CARD16: variants seen among roughly 807,000 people sequenced by gnomAD.
CARD16 encodes the protein caspase recruitment domain-containing protein 16.
In CARD16, 8 loss-of-function variants were observed where a neutral mutation model predicts 11.9. The ratio of observed to expected loss-of-function variants is 0.67; its 90% CI spans 0.39 to 1.21. CARD16 has a LOEUF of 1.21. Among genes scored for constraint, CARD16 ranks in the 50% most tolerant of loss-of-function variants. CARD16 has a pLI of 0.01. For missense variants in CARD16, 131 were observed against 118.1 expected (o/e 1.11, Z -0.51); for synonymous variants, 44 against 43.8 (o/e 1.00, Z -0.02).
chr11:105,045,281 A>C lies in CARD16; in HGVS notation c.7+10T>G. On this transcript the variant is annotated intron_variant, in intron 1 of 3. Coordinates refer to ENST00000673097, the MANE Select transcript of CARD16 (RefSeq NM_052889.4). The stretch of plus-strand genomic sequence containing the variant: ...CCAGGGACCTGTTCTTGGAACAGTA[A>C]AAGACTCACCGGCCATGGCTTTTCT... 1 of 1,614,010 alleles carries C rather than the reference A, an allele frequency of 6.2e-7. No homozygotes were observed. The highest frequency in any genetic ancestry group is 8.5e-7 in the Non-Finnish European group (1 of 1,179,894).
In CARD16 at chr11:105,045,300, C is replaced by A. The variant is rs1220636194; in HGVS notation, c.-3G>T. ...ACAGTAAAAGACTCACCGGCCATGG[C>A]TTTTCTCTCCTACCCTTCTTGTGTG... On this transcript the variant is annotated 5_prime_UTR_variant, in exon 1 of 4. Coordinates refer to ENST00000673097, the MANE Select transcript of CARD16 (RefSeq NM_052889.4). 1.2e-6 allele frequency: 2 copies of A among 1,613,908 alleles called. No homozygotes were observed. Among genetic ancestry groups the A allele is most frequent in the Non-Finnish European group, 1.7e-6 (2 of 1,179,900 alleles).
In CARD16 at chr11:105,044,567, C is replaced by A. The variant is rs35966314; in HGVS notation, c.99G>T (p.Arg33Ser). The A allele has an allele frequency of 3.7e-6, 6 of 1,614,132 alleles. No homozygotes were observed. The highest frequency in any genetic ancestry group is 1.3e-5 in the African/African-American group (1 of 75,052). Residue 33 changes from arginine to serine, a missense_variant, in exon 2 of 4, where the codon AGG becomes AGT. Physicochemically the swap from Arg to Ser is moderately radical, Grantham distance 110. Coordinates refer to ENST00000673097, the MANE Select transcript of CARD16 (RefSeq NM_052889.4). ...TCTCCATCTCTTCCTGGTTCAGCAC[C>A]CTTGTCTGTAATAATTCATCCAGTA... is the stretch of plus-strand genomic sequence containing the variant. ...NGLLDELLQT[R>S]VLNQEEMEKV...
chr11:105,045,164 T>G (rs1864177546), intron 1 of CARD16, 127 bp downstream of exon 1: 1 of 1,350,376 alleles, frequency 7.4e-7, no homozygotes, highest in Non-Finnish European at 1.1e-6. Context: ...CTCCTCCCAC[T>G]CCTCCCTCTC....
rs1864116602 is a variant in CARD16 at position 105,041,734 on chromosome 11, G to A, written c.*44-15C>T. 1.2e-6 allele frequency: 2 copies of A among 1,612,220 alleles called. No individual in the cohort carries two copies. The highest frequency in any genetic ancestry group is 1.1e-5 in the South Asian group (1 of 91,016). ...TGCCTGAAGAGCTGCAAGAGACAAG[G>A]AATATCATGAACAGTGGTATCCCTC... On this transcript the variant is annotated splice_polypyrimidine_tract_variant and intron_variant, in intron 3 of 3. Transcript: ENST00000673097.
Position 105,041,665 on chromosome 11 carries a change from C to T in CARD16, c.*98G>A, listed in dbSNP as rs1344477573. On this transcript the variant is annotated 3_prime_UTR_variant, in exon 4 of 4. Coordinates refer to ENST00000673097, the MANE Select transcript of CARD16 (RefSeq NM_052889.4). ...TTCTAGAAAGCAAAGCTTGATTCTGCCTTCTGGGCTTGAGCATGTGGGCAT... is the reference window on the plus strand; with the variant it reads ...TTCTAGAAAGCAAAGCTTGATTCTGTCTTCTGGGCTTGAGCATGTGGGCAT... 1.2e-6 allele frequency: 2 copies of T among 1,613,998 alleles called. No homozygotes were observed. Among genetic ancestry groups the T allele is most frequent in the Admixed American group, 1.7e-5 (1 of 59,990 alleles).
intron 3 of CARD16, among the ~76,000 whole-genome samples, chr11:105,042,216 G>C (rs575066195): frequency 3.7e-4 from 57 of 152,024 alleles, no homozygotes; most frequent in African/African-American, 1.4e-3. Context: ...CTGTCCTTCA[G>C]CATCTCCTCC....
At chr11:105,043,032 C>T (rs1864137541) in intron 3 of CARD16, among the ~76,000 whole-genome samples, 1 of 152,048 alleles carries the variant, frequency 6.6e-6, no homozygotes, top group African/African-American at 2.4e-5. Context: ...TTGGCCATGG[C>T]TTGAATATTG....
chr11:105,044,670 A>C lies in CARD16; in HGVS notation c.8-12T>G. The C allele has an allele frequency of 1.2e-6, 2 of 1,613,216 alleles. No individual in the cohort carries two copies. The highest frequency in any genetic ancestry group is 1.7e-6 in the Non-Finnish European group (2 of 1,179,302). On this transcript the variant is annotated splice_polypyrimidine_tract_variant and intron_variant, in intron 1 of 3. Transcript: ENST00000673097. ...CTTCAGGACCTTGTCTGTTTGGAGC[A>C]CAAGGATTTCTCACATCATGAAAAC...
chr11:105,042,033 A>G (rs953332561), intron 3 of CARD16, among the ~76,000 whole-genome samples: 1 of 152,234 alleles, frequency 6.6e-6, no homozygotes, highest in Non-Finnish European at 1.5e-5. Flanking sequence ...AGTGATATAA[A>G]ATAGTTAAAA....
intron 1 of CARD16, chr11:105,044,959 T>C (rs1188872509): frequency 3.3e-6 from 2 of 606,068 alleles, no homozygotes; most frequent in Non-Finnish European, 5.8e-6. Context: ...GAAGCAGAAA[T>C]AGCCCATTTC....
chr11:105,044,900 A>C (rs930794584), intron 1 of CARD16: 1 of 669,152 alleles, frequency 1.5e-6, no homozygotes, highest in African/African-American at 1.8e-5. Context: ...GAAAGCAGAG[A>C]TCATCCTCTT....
Position 105,044,733 on chromosome 11 carries a change from C to T in CARD16, c.8-75G>A, listed in dbSNP as rs1035087958. 8.9e-6 allele frequency: 14 copies of T among 1,570,202 alleles called. 1 individual carries two copies. The Admixed American group carries it at 2.2e-4, about 25-fold the overall frequency. On this transcript the variant is annotated intron_variant, in intron 1 of 3. Transcript: ENST00000673097. ...CTCTCACGTCATCAACAGAAAGTGA[C>T]CTCATTTAGATTTCATCAGTGAAAT...
At chr11:105,045,223 A>C (rs1364998407) in intron 1 of CARD16, 68 bp downstream of exon 1, 25 of 1,607,540 alleles carry the variant, frequency 1.6e-5, no homozygotes, top group Non-Finnish European at 2.0e-5. Flanking sequence ...TATGGCTTCC[A>C]GAAGAGCCAG....
intron 1 of CARD16, 88 bp downstream of exon 1, chr11:105,045,203 A>T: frequency 3.2e-6 from 5 of 1,581,970 alleles, no homozygotes; most frequent in Non-Finnish European, 3.5e-6. Context: ...AAACTTCCAC[A>T]GATACTAATT....
intron 1 of CARD16, 120 bp downstream of exon 1, chr11:105,045,162 ACTCCTCCCT>A: frequency 7.5e-7 from 1 of 1,328,682 alleles, no homozygotes; most frequent in Non-Finnish European, 1.1e-6. Context: ...CTCTCCTCCC[ACTCCTCCCT>A]CTCCCTCACT....
At position 105,044,423 on chromosome 11, in the gene CARD16, A is replaced by G. The variant is rs61733761; in HGVS notation, c.243T>C (p.Ser81=). The G allele has an allele frequency of 6.2e-7, 1 of 1,613,936 alleles. No homozygotes were observed. The change falls in exon 2 of 4, where the codon AGT becomes AGC. Residue 81 remains serine (S), a synonymous_variant. Transcript: ENST00000673097. ...ICITYICEED[S]YLAETLGLSA... ...AGAGTCCCAGCGTCTCTGCCAGGTA[A>G]CTGTCTTCTTCACAAATGTATGTGA... is the stretch of plus-strand genomic sequence containing the variant.
intron 3 of CARD16, 57 bp from the exon 4 acceptor site, chr11:105,041,776 C>A: frequency 6.6e-7 from 1 of 1,519,890 alleles, no homozygotes; most frequent in Non-Finnish European, 9.0e-7. Flanking sequence ...CTTATAGCCT[C>A]ACCTATGGAG....
rs1475266477 is a variant in CARD16, at chr11:105,041,717, G to A, written c.*46C>T. On this transcript the variant is annotated splice_region_variant and 3_prime_UTR_variant, in exon 4 of 4. Transcript: ENST00000673097. ...GCTGGGTTGTCCTGCACTGCCTGAA[G>A]AGCTGCAAGAGACAAGGAATATCAT... The A allele has an allele frequency of 6.2e-7, 1 of 1,613,402 alleles. No individual in the cohort carries two copies. Among genetic ancestry groups the A allele is most frequent in the African/African-American group, 1.3e-5 (1 of 74,872 alleles).
At chr11:105,045,059 A>T (rs1864175849) in intron 1 of CARD16, 1 of 643,704 alleles carries the variant, frequency 1.6e-6, no homozygotes, top group Non-Finnish European at 2.7e-6. Flanking sequence ...TTTAATTAAG[A>T]TTGCAAAATG....
Sources: allele counts gnomAD v4.1 joint callset (sites outside exome capture counted in the v4.1 genomes callset), GRCh38; gene constraint gnomAD v4.1.1; transcripts MANE v1.5; gene names NCBI Gene and HGNC (gene_info 2026-07-23, HGNC 2026-07-21).